Variants in CD1A observed in about 807,000 individuals in gnomAD.
CD1A encodes T-cell surface glycoprotein CD1a.
In CD1A, 50 loss-of-function variants were observed where a neutral mutation model predicts 38.3. The observed-to-expected ratio is 1.30, with a 90% CI of 1.04 to 1.65. The LOEUF (loss-of-function observed/expected upper bound fraction) is 1.65. Among genes scored for constraint, CD1A ranks in the 40% most tolerant of loss-of-function variants. The pLI, the probability that CD1A is intolerant of heterozygous loss-of-function variation, is 0.00. For missense variants in CD1A, 459 were observed against 406.1 expected, an observed-to-expected ratio of 1.13 and a Z score of -1.12; for synonymous variants, 160 against 150.8, an observed-to-expected ratio of 1.06 and a Z score of -0.45.
In CD1A at chr1:158,255,351, G is replaced by T; in HGVS notation, c.325+1G>T. 1 of 1,612,966 alleles carries T rather than the reference G, an allele frequency of 6.2e-7. No homozygotes were observed. Among genetic ancestry groups the T allele is most frequent in the Non-Finnish European group, 8.5e-7 (1 of 1,179,038 alleles). ...TACGCCCATGAATTGCAGTTTGAAT[G>T]TGAGTTCAGTTTTCTCCATGGAGAG... On this transcript the variant is annotated splice_donor_variant, in intron 2 of 5. Coordinates refer to ENST00000289429, the MANE Select transcript of CD1A (RefSeq NM_001763.3). LOFTEE classifies it high-confidence loss of function.
At chr1:158,251,920 G>A (rs1428471580), upstream of CD1A, among the ~76,000 whole-genome samples, 1 of 151,694 alleles carries the variant, frequency 6.6e-6, no homozygotes, top group Non-Finnish European at 1.5e-5. Flanking sequence ...GCAGTGGCGC[G>A]ATCTCGGCTC....
chr1:158,256,521 T>A (rs992861144), intron 3 of CD1A, among the ~76,000 whole-genome samples: 1 of 151,976 alleles, frequency 6.6e-6, no homozygotes. Context: ...TAAAAATAAG[T>A]TAGCCAGTCA....
At chr1:158,253,144 T>C (rs1650131217), upstream of CD1A, among the ~76,000 whole-genome samples, 1 of 152,168 alleles carries the variant, frequency 6.6e-6, no homozygotes. Context: ...TACTTTTTTT[T>C]TGAAAACCAA....
rs1650274339 is a variant in CD1A, at chr1:158,256,891, G to A, written c.710G>A (p.Trp237Ter). ...TACCCAAAGCCCGTGTGGGTGATGT[G>A]GATGCGGGGTGAGCAGGAGCAGCAG... ...GFYPKPVWVM[W>*]MRGEQEQQGT... Residue 237 changes from tryptophan to a stop codon, truncating the protein, a stop_gained, in exon 4 of 6, where the codon TGG (tryptophan) becomes TAG (stop). Transcript: ENST00000289429. LOFTEE classifies it high-confidence loss of function. 1.9e-6 allele frequency: 3 copies of A among 1,614,250 alleles called. No individual in the cohort carries two copies. Among genetic ancestry groups the A allele is most frequent in the East Asian group, 4.5e-5 (2 of 44,870 alleles).
At chr1:158,255,952 T>G in intron 2 of CD1A, 52 bp from the exon 3 acceptor site, 2 of 1,528,284 alleles carry the variant, frequency 1.3e-6, no homozygotes, top group African/African-American at 2.8e-5. Flanking sequence ...TTGCTTCTAC[T>G]CATTTCATTT....
At chr1:158,249,782 A>T (rs1224875539), upstream of CD1A, among the ~76,000 whole-genome samples, 1 of 152,198 alleles carries the variant, frequency 6.6e-6, no homozygotes, top group Non-Finnish European at 1.5e-5. Context: ...GTGTGAGCAC[A>T]GAGGCTCTTA....
At position 158,257,100 on chromosome 1, in the gene CD1A, G is replaced by A. The variant is rs369024798; in HGVS notation, c.883+36G>A. On this transcript the variant is annotated intron_variant, in intron 4 of 5. Transcript: ENST00000289429. ...GCTAAGGCCCAGGCTGGAAATGCCA[G>A]GAAGTGGACCTCAGGCATAGAGGGA... 482 of 1,576,166 alleles carry A rather than the reference G, an allele frequency of 3.1e-4. 1 individual carries two copies. Among genetic ancestry groups the A allele is most frequent in the Non-Finnish European group, 4.1e-4 (471 of 1,159,380 alleles).
rs936759673 is a variant in CD1A at position 158,258,080 on chromosome 1, G to A, written c.*390G>A. The A allele has an allele frequency of 5.4e-6, 1 of 186,034 alleles. No individual in the cohort carries two copies. Among genetic ancestry groups the A allele is most frequent in the Non-Finnish European group, 1.1e-5 (1 of 88,942 alleles). The allele number at this position is 186,034 out of a possible 1,614,324, so 11.5% of individuals were successfully genotyped here. A position where few individuals can be genotyped will look rare whatever the true frequency, so the allele number is the denominator to read the frequency against. ...TGGTCTGAACTCCCGCCACATTTTA[G>A]CCGTACTTTGCTAACTGTGCTCCTC... On this transcript the variant is annotated 3_prime_UTR_variant, in exon 6 of 6. Transcript: ENST00000289429.
At chr1:158,257,338 C>G in intron 4 of CD1A, 83 bp from the exon 5 acceptor site, 1 of 1,098,170 alleles carries the variant, frequency 9.1e-7, no homozygotes, top group East Asian at 2.4e-5. Context: ...AAAAAAGAAG[C>G]CCAGGGAATG....
rs2269714 is a variant in CD1A at position 158,255,114 on chromosome 1, C to T, written c.89C>T (p.Thr30Ile). The T allele has an allele frequency of 0.08, 129,249 of 1,613,804 alleles. 8,409 individuals are homozygous for T. The highest frequency in any genetic ancestry group is 0.34 in the East Asian group (15,248 of 44,834). The change falls in exon 2 of 6, where the codon ACC (threonine) becomes ATC (isoleucine). Residue 30 changes from threonine to isoleucine, a missense_variant. Physicochemically the swap from Thr to Ile is moderately conservative, Grantham distance 89 (BLOSUM62 -1). Transcript: ENST00000289429. Reference protein sequence around the residue: ...GLKEPLSFHVTWIASFYNHSW... With the variant: ...GLKEPLSFHVIWIASFYNHSW... The stretch of plus-strand genomic sequence containing the variant: ...AAGGAGCCTCTCTCCTTCCATGTCA[C>T]CTGGATCGCATCCTTTTACAACCAT...
At chr1:158,255,860 C>T (rs915999695) in intron 2 of CD1A, 144 bp from the exon 3 acceptor site, 3 of 723,574 alleles carry the variant, frequency 4.1e-6, no homozygotes, top group Non-Finnish European at 6.7e-6. Context: ...ACCAATTCCT[C>T]TTTCTCTGAA....
upstream of CD1A, among the ~76,000 whole-genome samples, chr1:158,250,567 A>C (rs770247031): frequency 2.0e-5 from 3 of 151,608 alleles, no homozygotes; most frequent in Non-Finnish European, 4.4e-5. Flanking sequence ...CCATCCTACA[A>C]CTCTGGTTAG....
At chr1:158,257,186 A>G in intron 4 of CD1A, 122 bp downstream of exon 4, 1 of 1,286,184 alleles carries the variant, frequency 7.8e-7, no homozygotes, top group Non-Finnish European at 1.1e-6. Context: ...AAAAATAGAT[A>G]ATCTAAGAAA....
upstream of CD1A, among the ~76,000 whole-genome samples, chr1:158,250,124 G>C (rs964540376): frequency 6.6e-6 from 1 of 152,232 alleles, no homozygotes; most frequent in Non-Finnish European, 1.5e-5. Flanking sequence ...AAAAGCAAGG[G>C]AATTGTGAAA....
upstream of CD1A, chr1:158,254,031 GTTTTT>G (rs760814976): frequency 5.6e-5 from 3 of 53,626 alleles, no homozygotes; most frequent in East Asian, 9.4e-4. Context: ...TGTTCCTGTG[GTTTTT>G]TTTTTTTTTT....
At chr1:158,254,971 T>A in intron 1 of CD1A, 113 bp from the exon 2 acceptor site, 3 of 1,111,016 alleles carry the variant, frequency 2.7e-6, no homozygotes, top group African/African-American at 1.5e-5. Flanking sequence ...TCTGCTAAGA[T>A]CATGATGGAT....
chr1:158,254,927 T>C (rs1650193918), intron 1 of CD1A, among the ~76,000 whole-genome samples, 157 bp from the exon 2 acceptor site: 1 of 152,016 alleles, frequency 6.6e-6, no homozygotes, highest in South Asian at 2.1e-4. Flanking sequence ...ATGAAGGTGG[T>C]TGATAAGGCA....
chr1:158,257,582 T>C (rs992408190), intron 5 of CD1A, 71 bp downstream of exon 5: 1 of 1,574,908 alleles, frequency 6.3e-7, no homozygotes, highest in African/African-American at 1.3e-5. Context: ...TTTTTGTTTT[T>C]CTCTCCTCAG....
upstream of CD1A, chr1:158,254,031 G>GTTTTTTTGTTTTT (rs1650154557): frequency 1.9e-5 from 1 of 53,592 alleles, no homozygotes; most frequent in Non-Finnish European, 2.8e-5. Context: ...TGTTCCTGTG[G>GTTTTTTTGTTTTT]TTTTTTTTTT....
Sources: allele counts gnomAD v4.1 joint callset (sites outside exome capture counted in the v4.1 genomes callset), GRCh38; gene constraint gnomAD v4.1.1; transcripts MANE v1.5; gene names NCBI Gene and HGNC (gene_info 2026-07-23, HGNC 2026-07-21).